The following SYN3 variants were observed in gnomAD, a reference collection of about 807,000 sequenced individuals.
SYN3 encodes the protein synapsin III, also known as synapsin-3.
A neutral mutation model predicts 65.8 loss-of-function variants in SYN3; 35 were observed. The observed-to-expected ratio is 0.53, with a 90% CI of 0.41 to 0.70. The LOEUF is 0.70. Among genes scored for constraint, SYN3 ranks in the 30% least tolerant of loss-of-function variants. SYN3 has a pLI of 0.00. For missense variants in SYN3, 680 were observed against 749.0 expected, an observed-to-expected ratio of 0.91 and a Z score of 1.08; for synonymous variants, 270 against 292.9, an observed-to-expected ratio of 0.92 and a Z score of 0.80.
rs369726032 is a variant in SYN3 at position 32,585,924 on chromosome 22, G to A, written c.774+10750C>T. 1.0e-3 allele frequency among the ~76,000 whole-genome samples: 68 copies of A among 66,622 alleles called. No individual in the cohort carries two copies. In the East Asian group the frequency reaches 0.013, roughly 13 times the overall value. The allele number at this position is 66,622 out of a possible 152,430, so 43.7% of individuals were successfully genotyped here. A position where few individuals can be genotyped will look rare whatever the true frequency, so the allele number is the denominator to read the frequency against. On this transcript the variant is annotated intron_variant, in intron 7 of 13. Transcript: ENST00000358763. ...TATATGTGTATGTATACATATATGTGTATATACGTATATGTGTATGTATAC... is the reference window on the plus strand; with the variant it reads ...TATATGTGTATGTATACATATATGTATATATACGTATATGTGTATGTATAC...
intron 6 of SYN3, chr22:32,862,899 G>A (rs2048585337): frequency 6.5e-6 from 1 of 152,694 alleles, no homozygotes; most frequent in Non-Finnish European, 1.5e-5. Context: ...GCTAAATTTC[G>A]TAGCACTGTT....
At chr22:32,880,614 G>A (rs908858525) in intron 4 of SYN3, among the ~76,000 whole-genome samples, 11 of 152,174 alleles carry the variant, frequency 7.2e-5, no homozygotes, top group African/African-American at 2.7e-4. Flanking sequence ...AGAAGGCCAC[G>A]GGTACAGCAT....
chr22:32,780,820 C>A (rs971208002), intron 6 of SYN3, among the ~76,000 whole-genome samples: 49 of 152,104 alleles, frequency 3.2e-4, no homozygotes, highest in African/African-American at 1.1e-3. Context: ...TAAATGATTT[C>A]ATGTAGGTAA....
At chr22:32,522,160 C>G (rs2057895113) in intron 12 of SYN3, among the ~76,000 whole-genome samples, 2 of 152,162 alleles carry the variant, frequency 1.3e-5, no homozygotes, top group South Asian at 4.1e-4. Context: ...TTGAAATGAA[C>G]AGCAAGTTCA....
At chr22:32,739,983 A>T (rs2061384329) in intron 6 of SYN3, among the ~76,000 whole-genome samples, 1 of 152,228 alleles carries the variant, frequency 6.6e-6, no homozygotes, top group Non-Finnish European at 1.5e-5. Flanking sequence ...ATACATTGAG[A>T]AAGATGCTAA....
At chr22:32,810,755 G>A (rs1601414642) in intron 6 of SYN3, among the ~76,000 whole-genome samples, 1 of 152,276 alleles carries the variant, frequency 6.6e-6, no homozygotes, top group Admixed American at 6.5e-5. Context: ...GGTGAGTTTC[G>A]CAACCAGGGT....
intron 6 of SYN3, among the ~76,000 whole-genome samples, chr22:32,603,445 A>G (rs2146633079): frequency 6.6e-6 from 1 of 150,404 alleles, no homozygotes; most frequent in Admixed American, 6.6e-5. Context: ...GCGTCAATCC[A>G]GGAGGTGGAG....
At chr22:32,719,000 T>C (rs2061078241) in intron 6 of SYN3, among the ~76,000 whole-genome samples, 6 of 152,248 alleles carry the variant, frequency 3.9e-5, no homozygotes. Context: ...CCAGGAAGTC[T>C]TGACTTCCAT....
chr22:32,952,108 G>A (rs11704652), intron 3 of SYN3, among the ~76,000 whole-genome samples: 44,327 of 151,994 alleles, frequency 0.29, 6,824 homozygotes, highest in African/African-American at 0.39. Flanking sequence ...CCTTGCAGAC[G>A]AAAAAGGCTT....
chr22:32,777,957 C>A (rs574933962), intron 6 of SYN3, among the ~76,000 whole-genome samples: 1 of 152,112 alleles, frequency 6.6e-6, no homozygotes, highest in South Asian at 2.1e-4. Context: ...AACCATCCTG[C>A]GTCTCAGAGG....
At chr22:32,518,515 A>G in intron 12 of SYN3, 181 bp from the exon 13 acceptor site, 1 of 761,330 alleles carries the variant, frequency 1.3e-6, no homozygotes, top group Non-Finnish European at 2.3e-6. Flanking sequence ...ATACATCTGT[A>G]TAATGGAATA....
chr22:32,921,834 T>G (rs921771160), intron 4 of SYN3, among the ~76,000 whole-genome samples: 3 of 152,072 alleles, frequency 2.0e-5, no homozygotes, highest in Admixed American at 2.0e-4. Context: ...TTATTATTAT[T>G]AGGAGGAGGA....
chr22:32,612,368 G>A (rs547352625), intron 6 of SYN3, among the ~76,000 whole-genome samples: 130 of 152,210 alleles, frequency 8.5e-4, no homozygotes, highest in Admixed American at 2.0e-3. Context: ...GCCCTTAACC[G>A]GTAGGATCTA....
chr22:33,019,516 G>A (rs2081322734), intron 1 of SYN3, among the ~76,000 whole-genome samples: 1 of 152,112 alleles, frequency 6.6e-6, no homozygotes, highest in African/African-American at 2.4e-5. Context: ...AAAAAATAAC[G>A]GCTACTTTAC....
intron 2 of SYN3, among the ~76,000 whole-genome samples, chr22:33,002,084 C>T (rs470006): frequency 0.48 from 73,687 of 151,936 alleles, 18,120 homozygotes; most frequent in Middle Eastern, 0.54. Flanking sequence ...AGAAACACCC[C>T]GGCAGACATC....
At chr22:32,881,031 C>A (rs2146416158) in intron 4 of SYN3, among the ~76,000 whole-genome samples, 1 of 152,336 alleles carries the variant, frequency 6.6e-6, no homozygotes, top group African/African-American at 2.4e-5. Context: ...TGGGGCAGCC[C>A]TGCTCTCCGA....
intron 4 of SYN3, among the ~76,000 whole-genome samples, chr22:32,924,709 G>C (rs1299299919): frequency 6.6e-6 from 1 of 152,184 alleles, no homozygotes; most frequent in East Asian, 1.9e-4. Flanking sequence ...CATTTTCTAG[G>C]GCTGCTGTAG....
At chr22:32,897,843 A>T (rs2146509523) in intron 4 of SYN3, among the ~76,000 whole-genome samples, 1 of 152,296 alleles carries the variant, frequency 6.6e-6, no homozygotes, top group Middle Eastern at 3.4e-3. Flanking sequence ...TTTTAGGGAC[A>T]GGGTCTTGCT....
At chr22:32,677,545 T>C (rs2060463325) in intron 6 of SYN3, among the ~76,000 whole-genome samples, 1 of 152,134 alleles carries the variant, frequency 6.6e-6, no homozygotes, top group South Asian at 2.1e-4. Flanking sequence ...ATGCCTGTAA[T>C]CCCAGCACTT....
Sources: allele counts gnomAD v4.1 joint callset (sites outside exome capture counted in the v4.1 genomes callset), GRCh38; gene constraint gnomAD v4.1.1; transcripts MANE v1.5; gene names NCBI Gene and HGNC (gene_info 2026-07-23, HGNC 2026-07-21).